CTNNA2: variants seen among roughly 807,000 people sequenced by gnomAD.
The protein encoded by CTNNA2 is catenin alpha 2.
A neutral mutation model predicts 101.0 loss-of-function variants in CTNNA2; 42 were observed. That is an observed-to-expected ratio of 0.42 (90% CI 0.32 to 0.54). The LOEUF is 0.54. Ranked by LOEUF, CTNNA2 falls within the 20% of genes least tolerant of loss-of-function variation. The pLI is 0.14. For missense variants in CTNNA2, 871 were observed against 1,223.1 expected, an observed-to-expected ratio of 0.71 and a Z score of 4.29; for synonymous variants, 450 against 456.4, an observed-to-expected ratio of 0.99 and a Z score of 0.18.
intron 2 of CTNNA2, among the ~76,000 whole-genome samples, chr2:79,258,745 C>G (rs901894114): frequency 6.6e-6 from 1 of 150,826 alleles, no homozygotes; most frequent in Non-Finnish European, 1.5e-5. Context: ...AATATTTCTA[C>G]TCCAAGTCCT....
intron 15 of CTNNA2, among the ~76,000 whole-genome samples, chr2:80,600,805 G>C (rs1336743943): frequency 6.6e-6 from 1 of 152,056 alleles, no homozygotes; most frequent in African/African-American, 2.4e-5. Flanking sequence ...TGAGCCCCTG[G>C]CAAGTGATCT....
intron 7 of CTNNA2, among the ~76,000 whole-genome samples, chr2:80,327,397 A>G (rs1337884583): frequency 6.6e-6 from 1 of 152,150 alleles, no homozygotes; most frequent in East Asian, 1.9e-4. Flanking sequence ...TTGCTAACTC[A>G]TCCTGTTCCA....
intron 1 of CTNNA2, among the ~76,000 whole-genome samples, chr2:79,595,316 C>G (rs1164498415): frequency 6.6e-6 from 1 of 152,116 alleles, no homozygotes; most frequent in Non-Finnish European, 1.5e-5. Flanking sequence ...AATCTATTCC[C>G]GTGATTTATC....
At chr2:79,539,642 C>A (rs1311463105) in intron 1 of CTNNA2, among the ~76,000 whole-genome samples, 3 of 152,162 alleles carry the variant, frequency 2.0e-5, no homozygotes, top group African/African-American at 4.8e-5. Flanking sequence ...CTTTTACCCC[C>A]AGCTGGGAGT....
intron 4 of CTNNA2, among the ~76,000 whole-genome samples, chr2:79,378,439 T>C (rs2104460951): frequency 6.6e-6 from 1 of 152,302 alleles, no homozygotes; most frequent in Admixed American, 6.5e-5. Flanking sequence ...TAGGGATATA[T>C]AGTTAAAAAA....
intron 18 of CTNNA2, among the ~76,000 whole-genome samples, chr2:80,633,201 A>G (rs943257876): frequency 6.6e-6 from 1 of 152,060 alleles, no homozygotes; most frequent in Non-Finnish European, 1.5e-5. Context: ...TGACACATTA[A>G]AAGATTATGT....
chr2:79,997,905 A>G (rs1443110630), intron 7 of CTNNA2, among the ~76,000 whole-genome samples: 2 of 152,198 alleles, frequency 1.3e-5, no homozygotes, highest in African/African-American at 4.8e-5. Context: ...AACATAGAGA[A>G]CTGAGCCAAA....
At chr2:80,317,561 A>G (rs1310855406) in intron 7 of CTNNA2, among the ~76,000 whole-genome samples, 1 of 152,148 alleles carries the variant, frequency 6.6e-6, no homozygotes, top group Non-Finnish European at 1.5e-5. Context: ...CCCTTTTAAA[A>G]TCTTCCTTTC....
chr2:79,650,602 TA>T (rs111590155), intron 1 of CTNNA2, among the ~76,000 whole-genome samples: 8,472 of 151,160 alleles, frequency 0.056, 692 homozygotes, highest in African/African-American at 0.18. Flanking sequence ...ACCTCTCCCA[TA>T]GTCCTCTCTG....
chr2:80,478,600 A>G (rs1685906167), intron 9 of CTNNA2, among the ~76,000 whole-genome samples: 1 of 152,018 alleles, frequency 6.6e-6, no homozygotes, highest in Non-Finnish European at 1.5e-5. Flanking sequence ...GTGGCTATCC[A>G]GTTATTTTCC....
chr2:79,521,154 ATATATATAT>A (rs1672096827), intron 1 of CTNNA2, among the ~76,000 whole-genome samples: 1 of 85,030 alleles, frequency 1.2e-5, no homozygotes, highest in African/African-American at 3.8e-5. Flanking sequence ...ATATATATAT[ATATATATAT>A]ATATAAATTT....
At chr2:80,529,487 T>C (rs569662564) in intron 9 of CTNNA2, among the ~76,000 whole-genome samples, 2 of 152,358 alleles carry the variant, frequency 1.3e-5, no homozygotes, top group East Asian at 1.9e-4. Context: ...TTATTGCTTA[T>C]TTAACTAAGC....
chr2:80,231,138 A>AT (rs1420613337), intron 7 of CTNNA2, among the ~76,000 whole-genome samples: 1 of 151,758 alleles, frequency 6.6e-6, no homozygotes, highest in Admixed American at 6.6e-5. Flanking sequence ...TCCCCCGCTA[A>AT]TTTTTTTGTA....
chr2:80,267,094 C>T (rs532263927), intron 7 of CTNNA2, among the ~76,000 whole-genome samples: 5 of 152,210 alleles, frequency 3.3e-5, no homozygotes, highest in African/African-American at 7.2e-5. Flanking sequence ...AGAGGGACAC[C>T]GCCTCAAGAC....
chr2:79,258,308 G>T (rs987208082), intron 2 of CTNNA2, among the ~76,000 whole-genome samples: 7 of 152,130 alleles, frequency 4.6e-5, no homozygotes, highest in East Asian at 1.9e-4. Flanking sequence ...TCTATTCTTG[G>T]TTTGGTCATT....
intron 7 of CTNNA2, among the ~76,000 whole-genome samples, chr2:80,032,901 C>T (rs776156257): frequency 6.6e-6 from 1 of 152,036 alleles, no homozygotes; most frequent in Admixed American, 6.6e-5. Context: ...GCCTGTAATC[C>T]TATCACTTTG....
At chr2:79,986,125 A>G (rs1691742417) in intron 7 of CTNNA2, among the ~76,000 whole-genome samples, 1 of 152,220 alleles carries the variant, frequency 6.6e-6, no homozygotes, top group Non-Finnish European at 1.5e-5. Flanking sequence ...ACTTTAATTT[A>G]CCACGGGAGA....
At chr2:79,729,624 A>G (rs916469492) in intron 2 of CTNNA2, among the ~76,000 whole-genome samples, 3 of 152,082 alleles carry the variant, frequency 2.0e-5, no homozygotes, top group Non-Finnish European at 2.9e-5. Context: ...TGTCCAAATA[A>G]AGGTTCACAA....
chr2:80,193,730 G>A (rs1259758365), intron 7 of CTNNA2, among the ~76,000 whole-genome samples: 3 of 152,118 alleles, frequency 2.0e-5, no homozygotes, highest in Non-Finnish European at 4.4e-5. Flanking sequence ...ATTCCTTAGA[G>A]CTCCAGGAAT....
Sources: allele counts gnomAD v4.1 joint callset (sites outside exome capture counted in the v4.1 genomes callset), GRCh38; gene constraint gnomAD v4.1.1; transcripts MANE v1.5; gene names NCBI Gene and HGNC (gene_info 2026-07-23, HGNC 2026-07-21).